The following OR2AJ1 variants were observed in gnomAD, a reference collection of about 807,000 sequenced individuals.
The protein encoded by OR2AJ1 is olfactory receptor family 2 subfamily AJ member 1, also known as olfactory receptor 2AJ1.
For synonymous variants in OR2AJ1, 105 were observed against 60.3 expected (o/e 1.74, Z -3.44); for missense variants, 280 against 163.2 (o/e 1.72, Z -3.90).
chr1:247,930,791 A>G (rs1217046295), intron 1 of OR2AJ1, among the ~76,000 whole-genome samples: 4 of 152,134 alleles, frequency 2.6e-5, no homozygotes, highest in African/African-American at 9.7e-5. Flanking sequence ...ACATACAGTT[A>G]TCATTTGAAG....
chr1:247,927,998 T>C (rs1220327408), intron 1 of OR2AJ1, among the ~76,000 whole-genome samples: 1 of 152,226 alleles, frequency 6.6e-6, no homozygotes, highest in Admixed American at 6.5e-5. Context: ...GGTACAGATG[T>C]CCCTTCAATA....
chr1:247,933,900 C>T lies in OR2AJ1; in HGVS notation c.132C>T (p.Leu44=), dbSNP rs1202341981. 1 of 716,700 alleles carries T rather than the reference C, an allele frequency of 1.4e-6. No homozygotes were observed. Among genetic ancestry groups the T allele is most frequent in the Admixed American group, 2.0e-5 (1 of 49,970 alleles). The allele number at this position is 716,700 out of a possible 1,614,324, so 44.4% of individuals were successfully genotyped here. ...TTATGAGTGTAACAGAAAATACGCT[C>T]ATGATCCTCCTCATTCGCAGTGACT... The part of the protein sequence containing the change: ...IFIMSVTENT[L]MILLIRSDSR... Residue 44 remains leucine, a synonymous_variant, in exon 2 of 2, where the codon CTC becomes CTT. Coordinates refer to ENST00000318244, the MANE Select transcript of OR2AJ1 (RefSeq NM_001355235.2).
chr1:247,932,607 C>G (rs1660166351), intron 1 of OR2AJ1, among the ~76,000 whole-genome samples: 3 of 152,076 alleles, frequency 2.0e-5, no homozygotes, highest in Admixed American at 2.0e-4. Context: ...TCATTTTATT[C>G]AAACAAGTAG....
chr1:247,933,240 A>C (rs1286759367), intron 1 of OR2AJ1, among the ~76,000 whole-genome samples: 1 of 152,228 alleles, frequency 6.6e-6, no homozygotes, highest in Non-Finnish European at 1.5e-5. Flanking sequence ...AGTGATCAGA[A>C]CAAGGATCTC....
chr1:247,931,374 T>A (rs1405474065), intron 1 of OR2AJ1, among the ~76,000 whole-genome samples: 2 of 152,178 alleles, frequency 1.3e-5, no homozygotes, highest in African/African-American at 4.8e-5. Flanking sequence ...ATGGCAGATT[T>A]CACCCAAAAT....
Position 247,933,838 on chromosome 1 carries a change from A to G in OR2AJ1, c.70A>G (p.Ser24Gly), listed in dbSNP as rs933626533. 1.5e-6 allele frequency: 1 copy of G among 663,234 alleles called. No individual in the cohort carries two copies. Among genetic ancestry groups the G allele is most frequent in the Non-Finnish European group, 2.8e-6 (1 of 357,348 alleles). The allele number at this position is 663,234 out of a possible 1,614,324, so 41.1% of individuals were successfully genotyped here. ...GGGATTGTTCTCTTCTTCCCCAACA[A>G]GTGTGGTCTTCTTCTTAGTTTTATT... is the stretch of plus-strand genomic sequence containing the variant. ...LLGLFSSSPT[S>G]VVFFLVLFVI... The change falls in exon 2 of 2, where the codon AGT (serine) becomes GGT (glycine). Residue 24 changes from serine (S) to glycine (G), a missense_variant. By Grantham distance (56) the Ser-to-Gly change is moderately conservative. Transcript: ENST00000318244.
intron 1 of OR2AJ1, among the ~76,000 whole-genome samples, chr1:247,928,798 T>C (rs2103005159): frequency 6.6e-6 from 1 of 152,200 alleles, no homozygotes; most frequent in South Asian, 2.1e-4. Flanking sequence ...ATCCATATGC[T>C]AAAGAAACAG....
intron 1 of OR2AJ1, among the ~76,000 whole-genome samples, chr1:247,927,101 A>G (rs953917734): frequency 6.6e-6 from 1 of 152,212 alleles, no homozygotes; most frequent in East Asian, 1.9e-4. Context: ...CATCTCTGCT[A>G]ACTCTAGCTT....
intron 1 of OR2AJ1, among the ~76,000 whole-genome samples, chr1:247,928,927 T>C (rs544452504): frequency 3.9e-5 from 6 of 152,238 alleles, no homozygotes; most frequent in African/African-American, 1.4e-4. Flanking sequence ...ATCCCGTCTC[T>C]ACTAAAAATA....
intron 1 of OR2AJ1, among the ~76,000 whole-genome samples, chr1:247,928,108 A>G (rs1292778057): frequency 6.6e-6 from 1 of 152,160 alleles, no homozygotes; most frequent in African/African-American, 2.4e-5. Flanking sequence ...TATAATAGCT[A>G]TACTAATTTA....
At chr1:247,929,699 T>A (rs1376703792) in intron 1 of OR2AJ1, among the ~76,000 whole-genome samples, 2 of 151,830 alleles carry the variant, frequency 1.3e-5, no homozygotes, top group Non-Finnish European at 2.9e-5. Flanking sequence ...GGTACTGTCA[T>A]GATCTTCATT....
intron 1 of OR2AJ1, among the ~76,000 whole-genome samples, chr1:247,926,567 A>G (rs977115883): frequency 2.0e-5 from 3 of 152,044 alleles, no homozygotes; most frequent in Non-Finnish European, 2.9e-5. Context: ...GAAATTGGAG[A>G]TTGTACATTG....
intron 1 of OR2AJ1, among the ~76,000 whole-genome samples, chr1:247,930,466 T>G (rs1358353902): frequency 6.6e-6 from 1 of 152,030 alleles, no homozygotes; most frequent in Non-Finnish European, 1.5e-5. Flanking sequence ...GAGTGAAGAG[T>G]ACAAAAGGAG....
At chr1:247,932,966 T>C (rs4572001) in intron 1 of OR2AJ1, among the ~76,000 whole-genome samples, 94,083 of 152,048 alleles carry the variant, frequency 0.62, 32,073 homozygotes, top group Non-Finnish European at 0.77. Context: ...ACATTGTTGA[T>C]GTTGACTAGA....
rs866005967 is a variant in OR2AJ1 at position 247,932,173 on chromosome 1, T to C, written c.-22-1574T>C. On this transcript the variant is annotated intron_variant, in intron 1 of 1. Coordinates refer to ENST00000318244, the MANE Select transcript of OR2AJ1 (RefSeq NM_001355235.2). ...GACCAACATGGTGAAACCCCATTTC[T>C]AGTAACATACAAAACTTAGCCGGGT... Among the ~76,000 whole-genome samples the C allele has an allele frequency of 7.9e-5, 12 of 152,268 alleles. 1 individual carries two copies. The highest frequency in any genetic ancestry group is 3.4e-3 in the Middle Eastern group (1 of 294).
In OR2AJ1 at chr1:247,933,760, G is replaced by T; in HGVS notation, c.-9G>T. 1.8e-6 allele frequency: 1 copy of T among 561,480 alleles called. No homozygotes were observed. The highest frequency in any genetic ancestry group is 2.7e-5 in the South Asian group (1 of 37,024). 34.8% of individuals were successfully genotyped at this position (561,480 alleles called of 1,614,324 possible). A position where few individuals can be genotyped will look rare whatever the true frequency, so the allele number is the denominator to read the frequency against. On this transcript the variant is annotated 5_prime_UTR_variant, in exon 2 of 2. Coordinates refer to ENST00000318244, the MANE Select transcript of OR2AJ1 (RefSeq NM_001355235.2). Reference sequence around the variant, plus strand: ...ATTTCTTTTTAGGTTAAAAAATAGAGAATTCATGATGGGCCATCAGAATCA... The same window carrying T: ...ATTTCTTTTTAGGTTAAAAAATAGATAATTCATGATGGGCCATCAGAATCA...
chr1:247,928,386 G>A (rs113325612), intron 1 of OR2AJ1, among the ~76,000 whole-genome samples: 62 of 152,072 alleles, frequency 4.1e-4, no homozygotes, highest in African/African-American at 1.3e-3. Flanking sequence ...TGAGTTCCTC[G>A]CATATACTAT....
Position 247,934,524 on chromosome 1 carries a change from T to C in OR2AJ1, c.756T>C (p.Tyr252=). The change falls in exon 2 of 2, where the codon TAT becomes TAC. Residue 252 remains tyrosine, a synonymous_variant. Transcript: ENST00000318244. ...SFHMIVVTMY[Y]GPFIFTYMRP... The stretch of plus-strand genomic sequence containing the variant: ...ACATGATTGTGGTCACGATGTACTA[T>C]GGGCCATTTATTTTTACATATATGA... 1.4e-6 allele frequency: 1 copy of C among 717,566 alleles called. No individual in the cohort carries two copies. The highest frequency in any genetic ancestry group is 2.6e-6 in the Non-Finnish European group (1 of 385,100). The allele number at this position is 717,566 out of a possible 1,614,324, so 44.4% of individuals were successfully genotyped here.
rs1344897948 is a variant in OR2AJ1, at chr1:247,934,463, A to G, written c.695A>G (p.Glu232Gly). The change falls in exon 2 of 2, where the codon GAG becomes GGG. Residue 232 changes from glutamate to glycine, a missense_variant. Glu to Gly is a moderately conservative substitution (Grantham distance 98, BLOSUM62 -2). Transcript: ENST00000318244. ...ACTGTCCTCCAGATGAAATCATCAG[A>G]GGCAAGGAAAAAGTCATTTTCCACT... ...ILTVLQMKSSEARKKSFSTCS... is the reference protein window; with the variant it reads ...ILTVLQMKSSGARKKSFSTCS... 5.6e-6 allele frequency: 4 copies of G among 717,426 alleles called. No individual in the cohort carries two copies. Among genetic ancestry groups the G allele is most frequent in the Non-Finnish European group, 7.8e-6 (3 of 385,118 alleles). The allele number at this position is 717,426 out of a possible 1,614,324, so 44.4% of individuals were successfully genotyped here. A position where few individuals can be genotyped will look rare whatever the true frequency, so the allele number is the denominator to read the frequency against.
Sources: gnomAD v4.1 joint callset for allele counts (sites outside exome capture counted in the v4.1 genomes callset) on GRCh38, gnomAD v4.1.1 for gene constraint, MANE v1.5 for transcripts, NCBI Gene and HGNC (gene_info 2026-07-23, HGNC 2026-07-21) for gene names.